HS3ST5: variants seen among roughly 807,000 people sequenced by gnomAD.
HS3ST5 encodes the protein heparan sulfate glucosamine 3-O-sulfotransferase 5.
In HS3ST5, 10 loss-of-function variants were observed where a neutral mutation model predicts 25.4. That is an observed-to-expected ratio of 0.39 (90% CI 0.24 to 0.67). HS3ST5 has a LOEUF of 0.67. Ranked by LOEUF, HS3ST5 falls within the 30% of genes least tolerant of loss-of-function variation. The pLI is 0.44. For synonymous variants in HS3ST5, 170 were observed against 162.4 expected (o/e 1.05, Z -0.36); for missense variants, 324 against 420.7 (o/e 0.77, Z 2.01).
intron 1 of HS3ST5, among the ~76,000 whole-genome samples, chr6:114,296,661 T>C (rs765860975): frequency 6.6e-6 from 1 of 152,190 alleles, no homozygotes; most frequent in African/African-American, 2.4e-5. Context: ...AGAGAGAAGA[T>C]ATAATCACCC....
At chr6:114,177,999 A>T (rs1274460905) in intron 2 of HS3ST5, among the ~76,000 whole-genome samples, 1 of 152,230 alleles carries the variant, frequency 6.6e-6, no homozygotes, top group Non-Finnish European at 1.5e-5. Flanking sequence ...AGCATTCAGC[A>T]TTGTTTCTAC....
intron 1 of HS3ST5, among the ~76,000 whole-genome samples, chr6:114,281,436 G>T (rs1228874174): frequency 6.6e-6 from 1 of 151,950 alleles, no homozygotes; most frequent in African/African-American, 2.4e-5. Flanking sequence ...TTTTTGGTAA[G>T]CTTTTACATA....
At chr6:114,106,649 T>C (rs1243294421) in intron 3 of HS3ST5, among the ~76,000 whole-genome samples, 1 of 152,102 alleles carries the variant, frequency 6.6e-6, no homozygotes, top group African/African-American at 2.4e-5. Flanking sequence ...AAACTTTCCT[T>C]TTGAAAAAAC....
rs150357334 is a variant in HS3ST5 at position 114,243,534 on chromosome 6, G to A, written c.-338-14756C>T. ...CAGCAGCAGGGATTCTAGGACTTAA[G>A]TGGAATTGAATAGCACAGCACAGTT... On this transcript the variant is annotated intron_variant, in intron 1 of 4. Coordinates refer to ENST00000312719, the MANE Select transcript of HS3ST5 (RefSeq NM_153612.4). 4.2e-3 allele frequency among the ~76,000 whole-genome samples: 641 copies of A among 152,344 alleles called. 3 individuals are homozygous for A. The highest frequency in any genetic ancestry group is 0.014 in the African/African-American group (603 of 41,590).
intron 3 of HS3ST5, among the ~76,000 whole-genome samples, chr6:114,122,337 T>G (rs763127458): frequency 9.9e-5 from 15 of 152,194 alleles, no homozygotes; most frequent in Non-Finnish European, 1.5e-4. Context: ...CACAATTTAG[T>G]GAGATCCTAC....
intron 2 of HS3ST5, among the ~76,000 whole-genome samples, chr6:114,181,706 T>G (rs185131517): frequency 6.6e-6 from 1 of 152,364 alleles, no homozygotes; most frequent in Admixed American, 6.5e-5. Flanking sequence ...TCATGACCTA[T>G]GCCAAGATTT....
chr6:114,150,161 G>A (rs1289657127), intron 3 of HS3ST5, among the ~76,000 whole-genome samples: 1 of 152,140 alleles, frequency 6.6e-6, no homozygotes, highest in Admixed American at 6.5e-5. Context: ...CACATAAATG[G>A]TTTTAATTTA....
intron 3 of HS3ST5, among the ~76,000 whole-genome samples, chr6:114,085,564 C>T (rs1180890736): frequency 6.6e-6 from 1 of 152,128 alleles, no homozygotes; most frequent in Non-Finnish European, 1.5e-5. Flanking sequence ...TGTTAGATTC[C>T]CTGCACTGAC....
intron 3 of HS3ST5, among the ~76,000 whole-genome samples, chr6:114,103,364 C>T (rs899685646): frequency 9.9e-5 from 15 of 151,982 alleles, no homozygotes; most frequent in African/African-American, 3.6e-4. Context: ...AACACATCAA[C>T]CTCTGATTTT....
intron 3 of HS3ST5, among the ~76,000 whole-genome samples, chr6:114,113,559 G>A (rs891337341): frequency 2.0e-5 from 3 of 151,732 alleles, no homozygotes; most frequent in Admixed American, 2.0e-4. Context: ...GTTTCAATTC[G>A]AGTGTCACCT....
chr6:114,318,238 C>G (rs1775823216), intron 1 of HS3ST5, among the ~76,000 whole-genome samples: 1 of 152,166 alleles, frequency 6.6e-6, no homozygotes, highest in Non-Finnish European at 1.5e-5. Context: ...AATGTCTGCA[C>G]CAGCCAGAAG....
intron 3 of HS3ST5, among the ~76,000 whole-genome samples, chr6:114,151,264 T>C (rs1778440306): frequency 1.3e-5 from 2 of 152,226 alleles, no homozygotes; most frequent in African/African-American, 4.8e-5. Context: ...GGGGTTCTAC[T>C]TAGAGATCAA....
At chr6:114,151,256 G>A (rs1778440006) in intron 3 of HS3ST5, among the ~76,000 whole-genome samples, 1 of 152,078 alleles carries the variant, frequency 6.6e-6, no homozygotes, top group Admixed American at 6.5e-5. Flanking sequence ...TTTATAATGG[G>A]GTTCTACTTA....
At chr6:114,061,871 A>G (rs1316889773) in intron 4 of HS3ST5, among the ~76,000 whole-genome samples, 2 of 152,168 alleles carry the variant, frequency 1.3e-5, no homozygotes, top group Admixed American at 6.5e-5. Flanking sequence ...TAGTTTGAAC[A>G]TGGGAGGAGG....
intron 3 of HS3ST5, among the ~76,000 whole-genome samples, chr6:114,064,068 C>T (rs1036641504): frequency 4.1e-5 from 6 of 146,776 alleles, no homozygotes; most frequent in Non-Finnish European, 9.1e-5. Flanking sequence ...AATCCAATCC[C>T]TCTTTCAAGA....
intron 1 of HS3ST5, among the ~76,000 whole-genome samples, chr6:114,235,432 G>A (rs892955993): frequency 6.6e-6 from 1 of 151,520 alleles, no homozygotes; most frequent in African/African-American, 2.4e-5. Context: ...TAGATGATCA[G>A]CTTTCTGTGA....
chr6:114,337,291 T>C (rs1215790444), intron 1 of HS3ST5, among the ~76,000 whole-genome samples: 2 of 152,216 alleles, frequency 1.3e-5, no homozygotes, highest in Non-Finnish European at 2.9e-5. Flanking sequence ...TCTGCTTCAG[T>C]ACATGCAGTA....
intron 2 of HS3ST5, among the ~76,000 whole-genome samples, chr6:114,225,260 A>G (rs1782239506): frequency 6.6e-6 from 1 of 151,840 alleles, no homozygotes; most frequent in Admixed American, 6.6e-5. Context: ...CTAGGATAAA[A>G]GTAACAAGGC....
intron 3 of HS3ST5, among the ~76,000 whole-genome samples, chr6:114,118,495 T>C (rs1776637908): frequency 6.6e-6 from 1 of 152,160 alleles, no homozygotes; most frequent in South Asian, 2.1e-4. Flanking sequence ...AAGAAAGCAA[T>C]TATATGGGGT....
Sources: gnomAD v4.1 joint callset for allele counts (sites outside exome capture counted in the v4.1 genomes callset) on GRCh38, gnomAD v4.1.1 for gene constraint, MANE v1.5 for transcripts, NCBI Gene and HGNC (gene_info 2026-07-23, HGNC 2026-07-21) for gene names.